KIAA1958: variants seen among roughly 807,000 people sequenced by gnomAD.
The protein encoded by KIAA1958 is KIAA1958.
In KIAA1958, 14 loss-of-function variants were observed where a neutral mutation model predicts 47.2. That is an observed-to-expected ratio of 0.30 (90% CI 0.20 to 0.46). The LOEUF is 0.46. Ranked by LOEUF, KIAA1958 falls within the 20% of genes least tolerant of loss-of-function variation. The pLI, the probability that KIAA1958 is intolerant of heterozygous loss-of-function variation, is 1.00. For missense variants in KIAA1958, 803 were observed against 909.2 expected (o/e 0.88, Z 1.50); for synonymous variants, 354 against 353.3 (o/e 1.00, Z -0.02).
chr9:112,627,698 G>A (rs545336051), intron 2 of KIAA1958, among the ~76,000 whole-genome samples: 1 of 152,234 alleles, frequency 6.6e-6, no homozygotes, highest in South Asian at 2.1e-4. Flanking sequence ...AGGTTGTAGT[G>A]ATCTGAGATC....
At chr9:112,534,350 A>T (rs576866744) in intron 1 of KIAA1958, among the ~76,000 whole-genome samples, 1 of 152,310 alleles carries the variant, frequency 6.6e-6, no homozygotes, top group East Asian at 1.9e-4. Flanking sequence ...ATCAGCACTG[A>T]TTATTATTGC....
intron 2 of KIAA1958, among the ~76,000 whole-genome samples, chr9:112,631,837 A>T (rs997139982): frequency 1.3e-5 from 2 of 152,184 alleles, no homozygotes; most frequent in African/African-American, 2.4e-5. Context: ...TTATGTAGCT[A>T]CACATTTTTC....
At chr9:112,533,512 C>T (rs554940663) in intron 1 of KIAA1958, among the ~76,000 whole-genome samples, 5 of 142,064 alleles carry the variant, frequency 3.5e-5, no homozygotes, top group South Asian at 2.2e-4. Flanking sequence ...ACCCGGGAGA[C>T]GGAGCTTGCA....
chr9:112,629,369 A>C (rs1479329986), intron 2 of KIAA1958, among the ~76,000 whole-genome samples: 1 of 152,182 alleles, frequency 6.6e-6, no homozygotes, highest in African/African-American at 2.4e-5. Context: ...ACTGATTAAC[A>C]TGAAAAACGC....
At chr9:112,526,211 C>G in intron 1 of KIAA1958, among the ~76,000 whole-genome samples, 1 of 151,254 alleles carries the variant, frequency 6.6e-6, no homozygotes, top group Non-Finnish European at 1.5e-5. Flanking sequence ...TAGTGTCTCT[C>G]TTAGTCCGTT....
chr9:112,610,110 AT>A (rs1381939642), intron 2 of KIAA1958, among the ~76,000 whole-genome samples: 5 of 151,640 alleles, frequency 3.3e-5, no homozygotes, highest in Admixed American at 2.0e-4. Context: ...ATAACACTAA[AT>A]TTTTTTTTGA....
At chr9:112,524,294 G>A (rs771527836) in intron 1 of KIAA1958, among the ~76,000 whole-genome samples, 1 of 152,242 alleles carries the variant, frequency 6.6e-6, no homozygotes, top group East Asian at 1.9e-4. Context: ...GAACTGGACT[G>A]TAGGAATTGA....
intron 1 of KIAA1958, among the ~76,000 whole-genome samples, chr9:112,553,357 T>C (rs994973255): frequency 5.9e-5 from 9 of 151,944 alleles, no homozygotes; most frequent in Admixed American, 5.9e-4. Context: ...TTTTGTTTTG[T>C]AGAGATGAGG....
intron 2 of KIAA1958, among the ~76,000 whole-genome samples, chr9:112,596,134 A>G (rs552919074): frequency 7.2e-5 from 11 of 152,264 alleles, no homozygotes; most frequent in African/African-American, 2.6e-4. Context: ...TGGGACCTCT[A>G]GGACAACAAG....
intron 1 of KIAA1958, among the ~76,000 whole-genome samples, chr9:112,488,790 G>A (rs1036227471): frequency 6.6e-6 from 1 of 152,154 alleles, no homozygotes; most frequent in African/African-American, 2.4e-5. Flanking sequence ...AAGACAAACT[G>A]ATTTTTGTCA....
chr9:112,609,706 C>T (rs1836292168), intron 2 of KIAA1958, among the ~76,000 whole-genome samples: 1 of 152,068 alleles, frequency 6.6e-6, no homozygotes, highest in South Asian at 2.1e-4. Flanking sequence ...CATGCACCAC[C>T]ACACCCAGCG....
intron 2 of KIAA1958, among the ~76,000 whole-genome samples, chr9:112,632,042 T>G (rs1274221959): frequency 6.6e-6 from 1 of 152,108 alleles, no homozygotes; most frequent in Admixed American, 6.5e-5. Flanking sequence ...ATTTTATTTA[T>G]TTTTCTTATA....
intron 3 of KIAA1958, among the ~76,000 whole-genome samples, chr9:112,656,417 C>T (rs918247445): frequency 6.7e-6 from 1 of 148,498 alleles, no homozygotes; most frequent in East Asian, 2.0e-4. Context: ...GCTGGGATAC[C>T]TGGTTACACA....
intron 1 of KIAA1958, among the ~76,000 whole-genome samples, chr9:112,492,209 A>G: frequency 6.6e-6 from 1 of 152,206 alleles, no homozygotes; most frequent in East Asian, 1.9e-4. Flanking sequence ...GGAGGCTAGA[A>G]GTATAAGCTC....
At chr9:112,520,639 A>G (rs1175200003) in intron 1 of KIAA1958, among the ~76,000 whole-genome samples, 1 of 152,268 alleles carries the variant, frequency 6.6e-6, no homozygotes, top group Non-Finnish European at 1.5e-5. Flanking sequence ...CACAGTAATT[A>G]TACACTGTAA....
intron 3 of KIAA1958, among the ~76,000 whole-genome samples, chr9:112,653,630 T>C (rs191147598): frequency 6.6e-6 from 1 of 152,164 alleles, no homozygotes; most frequent in East Asian, 1.9e-4. Flanking sequence ...GCAGGCCACG[T>C]GCGGTCACAC....
chr9:112,517,644 A>G (rs1031364661), intron 1 of KIAA1958, among the ~76,000 whole-genome samples: 5 of 152,226 alleles, frequency 3.3e-5, no homozygotes, highest in Non-Finnish European at 7.3e-5. Flanking sequence ...CTATTAAGAG[A>G]ATAAAAATAC....
chr9:112,545,834 T>TTTTG (rs1835021538), intron 1 of KIAA1958, among the ~76,000 whole-genome samples: 2 of 146,832 alleles, frequency 1.4e-5, no homozygotes, highest in East Asian at 1.9e-4. Flanking sequence ...TGTTTTTTTT[T>TTTTG]TTTTTTTTTT....
intron 1 of KIAA1958, among the ~76,000 whole-genome samples, chr9:112,572,794 C>T (rs983928080): frequency 6.6e-6 from 1 of 152,194 alleles, no homozygotes; most frequent in African/African-American, 2.4e-5. Context: ...GTGGCCGTGG[C>T]CACATCAACA....
Sources: allele counts gnomAD v4.1 joint callset (sites outside exome capture counted in the v4.1 genomes callset), GRCh38; gene constraint gnomAD v4.1.1; transcripts MANE v1.5; gene names NCBI Gene and HGNC (gene_info 2026-07-23, HGNC 2026-07-21).